CLTC: variants seen among roughly 807,000 people sequenced by gnomAD.
CLTC encodes the protein clathrin heavy chain.
CLTC carries 16 observed loss-of-function variants against 195.8 expected under a neutral mutation model. That is an observed-to-expected ratio of 0.08 (90% CI 0.06 to 0.12). The LOEUF (loss-of-function observed/expected upper bound fraction) is 0.12. CLTC is among the 10% of genes least tolerant of loss of function. The pLI is 1.00. For missense variants in CLTC, 796 were observed against 2,027.0 expected (o/e 0.39, Z 11.66); for synonymous variants, 667 against 689.4 (o/e 0.97, Z 0.51).
At chr17:59,692,340 A>G (rs1374342292) in intron 31 of CLTC, among the ~76,000 whole-genome samples, 25 of 150,754 alleles carry the variant, frequency 1.7e-4, no homozygotes, top group Admixed American at 1.5e-3. Flanking sequence ...CTGGTTTCCA[A>G]TAATAATTTG....
chr17:59,621,860 G>A (rs1344849498), intron 1 of CLTC, among the ~76,000 whole-genome samples: 1 of 152,038 alleles, frequency 6.6e-6, no homozygotes, highest in Non-Finnish European at 1.5e-5. Context: ...AAGTGTGAGG[G>A]GAAAACGCGG....
chr17:59,644,017 C>T (rs1256802594), intron 1 of CLTC, among the ~76,000 whole-genome samples: 2 of 152,280 alleles, frequency 1.3e-5, no homozygotes, highest in East Asian at 3.9e-4. Flanking sequence ...ATGCATGCTA[C>T]CTTGCAGATG....
rs756274500 is a variant in CLTC, at chr17:59,648,204, G to A, written c.520-36G>A. The stretch of plus-strand genomic sequence containing the variant: ...ATGAATCTGAGAGTTTTTGATTTAT[G>A]GGTCTTCAAACGTTATTCTCTTTGA... On this transcript the variant is annotated intron_variant, in intron 3 of 31. Coordinates refer to ENST00000269122, the MANE Select transcript of CLTC (RefSeq NM_004859.4). This position sits in a 1 kb window ranked among gnomAD's most constrained non-coding sequence, Gnocchi z 4.5. The A allele has an allele frequency of 4.5e-6, 7 of 1,556,798 alleles. No homozygotes were observed. The African/African-American group carries it at 5.5e-5, about 12-fold the overall frequency.
intron 2 of CLTC, among the ~76,000 whole-genome samples, chr17:59,644,796 C>T (rs1172372243): frequency 1.3e-5 from 2 of 152,192 alleles, no homozygotes; most frequent in African/African-American, 4.8e-5. Flanking sequence ...CATGATCCGC[C>T]TGCCTCGGCC....
At chr17:59,635,114 A>C (rs1000552292) in intron 1 of CLTC, among the ~76,000 whole-genome samples, 15 of 151,654 alleles carry the variant, frequency 9.9e-5, no homozygotes, top group African/African-American at 2.9e-4. Context: ...TTAACTCTAC[A>C]GTGGTAACAC....
At chr17:59,674,232 C>T (rs186280237) in intron 15 of CLTC, among the ~76,000 whole-genome samples, 1 of 152,216 alleles carries the variant, frequency 6.6e-6, no homozygotes, top group Non-Finnish European at 1.5e-5. Context: ...TAGGGCCTTA[C>T]TAACTTGATA....
At chr17:59,689,954 C>T (rs2033261788) in intron 30 of CLTC, 1 of 152,244 alleles carries the variant, frequency 6.6e-6, no homozygotes, top group Admixed American at 6.5e-5. Context: ...CTGTCTGATA[C>T]TATCCACTTT....
In CLTC at chr17:59,685,271, A is replaced by C. The variant is rs752896595; in HGVS notation, c.4605+45A>C. On this transcript the variant is annotated intron_variant, in intron 29 of 31. Transcript: ENST00000269122. This position sits in a 1 kb window ranked among gnomAD's most constrained non-coding sequence, Gnocchi z 5.0. ...AGGGGCTGTTTTAAACCAGGCCTAA[A>C]ATGGTGTTACAAGTGATTATAATCT... The C allele has an allele frequency of 6.6e-7, 1 of 1,520,648 alleles. No homozygotes were observed. The allele number at this position is 1,520,648 out of a possible 1,614,324, so 94.2% of individuals were successfully genotyped here. A position where few individuals can be genotyped will look rare whatever the true frequency, so the allele number is the denominator to read the frequency against.
At position 59,664,563 on chromosome 17, in the gene CLTC, A is replaced by AAAAAG. The variant is rs1268432205; in HGVS notation, c.1522-204_1522-200dup. The AAAAAG allele has an allele frequency of 1.9e-3, 558 of 289,932 alleles. 5 individuals are homozygous for AAAAAG. In the African/African-American group the frequency reaches 0.02, roughly 10 times the overall value. The allele number at this position is 289,932 out of a possible 1,614,324, so 18.0% of individuals were successfully genotyped here. On this transcript the variant is annotated intron_variant, in intron 9 of 31. Coordinates refer to ENST00000269122, the MANE Select transcript of CLTC (RefSeq NM_004859.4). ...AAGACCCTGTCTCAAAAAAAAAAAA[A>AAAAAG]AAAAGAAAAGAAAAGAAAAGAAAAT...
chr17:59,654,664 A>G (rs2032420181), intron 5 of CLTC, among the ~76,000 whole-genome samples: 1 of 152,156 alleles, frequency 6.6e-6, no homozygotes, highest in African/African-American at 2.4e-5. Context: ...CGTATTTAGT[A>G]GAGACAGGGT....
chr17:59,654,714 C>T (rs779551791), intron 5 of CLTC, among the ~76,000 whole-genome samples: 3 of 152,238 alleles, frequency 2.0e-5, no homozygotes, highest in South Asian at 2.1e-4. Context: ...CTCCTGAGCT[C>T]AGGCAATCCA....
At chr17:59,687,925 G>A (rs2033219422) in intron 30 of CLTC, among the ~76,000 whole-genome samples, 1 of 152,086 alleles carries the variant, frequency 6.6e-6, no homozygotes. Context: ...AGAAAAGGGT[G>A]GGAAGGTAAA....
chr17:59,622,229 T>A (rs1242012387), intron 1 of CLTC, among the ~76,000 whole-genome samples: 1 of 152,222 alleles, frequency 6.6e-6, no homozygotes, highest in African/African-American at 2.4e-5. Context: ...TTCAGTCCTC[T>A]GTGTTTTGGA....
Position 59,694,878 on chromosome 17 carries a change from G to A in CLTC, c.*1026G>A. The A allele has an allele frequency of 8.9e-6, 2 of 225,720 alleles. No individual in the cohort carries two copies. Among genetic ancestry groups the A allele is most frequent in the Non-Finnish European group, 1.8e-5 (2 of 113,120 alleles). The allele number at this position is 225,720 out of a possible 1,614,324, so 14.0% of individuals were successfully genotyped here. A position where few individuals can be genotyped will look rare whatever the true frequency, so the allele number is the denominator to read the frequency against. On this transcript the variant is annotated 3_prime_UTR_variant, in exon 32 of 32. Coordinates refer to ENST00000269122, the MANE Select transcript of CLTC (RefSeq NM_004859.4). ...AGGGAGGCATGAAAGGAAGAGGAAT[G>A]AGGATTGAGACATGTGAAGACATTG... is the stretch of plus-strand genomic sequence containing the variant.
At chr17:59,687,482 T>C (rs1051632886) in intron 30 of CLTC, among the ~76,000 whole-genome samples, 2 of 150,844 alleles carry the variant, frequency 1.3e-5, no homozygotes, top group Non-Finnish European at 2.9e-5. Context: ...AAAAGGCTTT[T>C]TGGGGTTTTT....
At chr17:59,684,064 CT>C in intron 28 of CLTC, 79 bp downstream of exon 28, 2 of 906,062 alleles carry the variant, frequency 2.2e-6, no homozygotes, top group Admixed American at 2.2e-5. Context: ...AGCCATTATC[CT>C]TTAGGATTGT....
chr17:59,682,615 C>T lies in CLTC; in HGVS notation c.3601-14C>T, dbSNP rs1377421089. The T allele has an allele frequency of 3.7e-6, 6 of 1,601,722 alleles. No homozygotes were observed. In the Admixed American group the frequency reaches 6.7e-5, roughly 18 times the overall value. On this transcript the variant is annotated splice_polypyrimidine_tract_variant and intron_variant, in intron 22 of 31. Coordinates refer to ENST00000269122, the MANE Select transcript of CLTC (RefSeq NM_004859.4). The surrounding 1 kb of genome is among the most constrained non-coding windows in gnomAD (Gnocchi z 6.8). ...TAATATCTTGCTGAATGTGGGTTAC[C>T]TTTTTTTTTCCAGGTTGGTGACCGT...
chr17:59,656,915 A>T (rs1598220379), intron 6 of CLTC, among the ~76,000 whole-genome samples: 3 of 151,514 alleles, frequency 2.0e-5, no homozygotes, highest in African/African-American at 7.3e-5. Flanking sequence ...CTTGTGATCC[A>T]CCCGCCCCAG....
chr17:59,620,379 G>T (rs2031330202), intron 1 of CLTC, among the ~76,000 whole-genome samples: 1 of 152,104 alleles, frequency 6.6e-6, no homozygotes, highest in Non-Finnish European at 1.5e-5. Flanking sequence ...GAGTTGGGGT[G>T]CAAAGAGCTG....
Sources: allele counts gnomAD v4.1 joint callset (sites outside exome capture counted in the v4.1 genomes callset), GRCh38; gene constraint gnomAD v4.1.1; non-coding constraint Gnocchi (gnomAD v3.1); transcripts MANE v1.5; gene names NCBI Gene and HGNC (gene_info 2026-07-23, HGNC 2026-07-21).